TRPC4: variants seen among roughly 807,000 people sequenced by gnomAD.
TRPC4 encodes transient receptor potential cation channel subfamily C member 4.
TRPC4 carries 49 observed loss-of-function variants against 99.4 expected under a neutral mutation model. The ratio of observed to expected loss-of-function variants is 0.49; its 90% CI spans 0.39 to 0.63. The LOEUF is 0.63. Among genes scored for constraint, TRPC4 ranks in the 20% least tolerant of loss-of-function variants. The pLI is 0.00. For missense variants in TRPC4, 898 were observed against 1,152.9 expected (o/e 0.78, Z 3.20); for synonymous variants, 454 against 425.9 (o/e 1.07, Z -0.81).
chr13:37,729,345 A>T (rs1466785530), intron 3 of TRPC4, among the ~76,000 whole-genome samples: 1 of 152,204 alleles, frequency 6.6e-6, no homozygotes, highest in East Asian at 1.9e-4. Flanking sequence ...GTAGGTGAGG[A>T]TGTGGAGAAA....
chr13:37,860,842 A>T (rs1819607), intron 1 of TRPC4, among the ~76,000 whole-genome samples: 5 of 150,986 alleles, frequency 3.3e-5, no homozygotes, highest in Admixed American at 1.3e-4. Flanking sequence ...GTGCTAGCAG[A>T]GTATAATATT....
At chr13:37,820,275 C>A (rs1027844909) in intron 1 of TRPC4, among the ~76,000 whole-genome samples, 4 of 151,990 alleles carry the variant, frequency 2.6e-5, no homozygotes, top group African/African-American at 9.7e-5. Flanking sequence ...AGACCAATAA[C>A]AAGTTTGGAA....
At chr13:37,830,263 T>G (rs1411085481) in intron 1 of TRPC4, among the ~76,000 whole-genome samples, 1 of 151,980 alleles carries the variant, frequency 6.6e-6, no homozygotes, top group East Asian at 1.9e-4. Flanking sequence ...CCATTAAAAA[T>G]ATTAAAGGAA....
chr13:37,659,724 G>A (rs2138667689), intron 6 of TRPC4, among the ~76,000 whole-genome samples: 1 of 152,254 alleles, frequency 6.6e-6, no homozygotes, highest in Non-Finnish European at 1.5e-5. Flanking sequence ...CATCAGTGGA[G>A]AGCAAGGGGA....
chr13:37,800,472 G>C (rs1338450043), intron 1 of TRPC4, among the ~76,000 whole-genome samples: 1 of 152,022 alleles, frequency 6.6e-6, no homozygotes, highest in South Asian at 2.1e-4. Context: ...GTTTACAAGA[G>C]GACTAATTTC....
intron 1 of TRPC4, among the ~76,000 whole-genome samples, chr13:37,810,417 C>T (rs1284511802): frequency 1.3e-5 from 2 of 151,988 alleles, no homozygotes; most frequent in African/African-American, 2.4e-5. Flanking sequence ...ATAAATCTCT[C>T]ACTGTCTTGA....
intron 5 of TRPC4, among the ~76,000 whole-genome samples, chr13:37,672,880 C>T (rs1446147297): frequency 1.3e-5 from 2 of 152,272 alleles, no homozygotes; most frequent in Admixed American, 6.5e-5. Flanking sequence ...AAATTGCTTT[C>T]CCCTAGTATT....
At chr13:37,748,637 G>A (rs1955850890) in intron 2 of TRPC4, among the ~76,000 whole-genome samples, 1 of 149,736 alleles carries the variant, frequency 6.7e-6, no homozygotes, top group Admixed American at 6.7e-5. Flanking sequence ...GGTCAGTAAT[G>A]ATATGGCTTG....
At chr13:37,825,656 G>A (rs1297592402) in intron 1 of TRPC4, among the ~76,000 whole-genome samples, 1 of 142,046 alleles carries the variant, frequency 7.0e-6, no homozygotes, top group Non-Finnish European at 1.5e-5. Context: ...TATAATTTCT[G>A]TTCTTTTACA....
intron 2 of TRPC4, among the ~76,000 whole-genome samples, chr13:37,761,505 G>A (rs1025129007): frequency 3.3e-5 from 5 of 151,860 alleles, no homozygotes; most frequent in Non-Finnish European, 7.4e-5. Flanking sequence ...GACAAAGCCA[G>A]TTAACTTCCC....
At position 37,823,115 on chromosome 13, in the gene TRPC4, GTTGT is replaced by G. The variant is rs1371825686; in HGVS notation, c.-27-39759_-27-39756del. On this transcript the variant is annotated intron_variant, in intron 1 of 10. Coordinates refer to ENST00000379705, the MANE Select transcript of TRPC4 (RefSeq NM_016179.4). ...TATCCTTCACCCACTTTTTGATGGG[GTTGT>G]TTGTTTTTTTCTTGTAAATTTGTTG... 1.1e-4 allele frequency among the ~76,000 whole-genome samples: 17 copies of G among 151,490 alleles called. No individual in the cohort carries two copies. The South Asian group carries it at 2.5e-3, about 22-fold the overall frequency.
At chr13:37,832,126 C>T (rs959866472) in intron 1 of TRPC4, among the ~76,000 whole-genome samples, 6 of 152,118 alleles carry the variant, frequency 3.9e-5, no homozygotes, top group African/African-American at 1.4e-4. Context: ...ATATTTGTAA[C>T]ACAACATTAC....
intron 2 of TRPC4, among the ~76,000 whole-genome samples, chr13:37,779,949 T>C (rs1956795763): frequency 6.6e-6 from 1 of 152,134 alleles, no homozygotes; most frequent in Non-Finnish European, 1.5e-5. Context: ...CATCATTTTC[T>C]GAGGATTCAT....
intron 2 of TRPC4, among the ~76,000 whole-genome samples, chr13:37,778,691 T>C (rs1329456210): frequency 6.6e-6 from 1 of 152,004 alleles, no homozygotes; most frequent in East Asian, 1.9e-4. Context: ...GAATCTTCAC[T>C]GTTTATAATG....
At position 37,633,199 on chromosome 13, in the gene TRPC4, G is replaced by A. The variant is rs1402860052; in HGVS notation, c.*3704C>T. Among the ~76,000 whole-genome samples, 1 of 152,132 alleles carries A rather than the reference G, an allele frequency of 6.6e-6. No individual in the cohort carries two copies. Among genetic ancestry groups the A allele is most frequent in the African/African-American group, 2.4e-5 (1 of 41,436 alleles). On this transcript the variant is annotated 3_prime_UTR_variant, in exon 11 of 11. Transcript: ENST00000379705. The stretch of plus-strand genomic sequence containing the variant: ...ATCAGAATAATGGTTTTGAAGTTAA[G>A]AGGAATGCCAGTAATATTAAATTTC...
rs1413167234 is a variant in TRPC4, at chr13:37,632,610, G to T, written c.*4293C>A. Among the ~76,000 whole-genome samples the T allele has an allele frequency of 6.6e-6, 1 of 152,114 alleles. No homozygotes were observed. Among genetic ancestry groups the T allele is most frequent in the Non-Finnish European group, 1.5e-5 (1 of 68,018 alleles). Reference sequence around the variant, plus strand: ...CCTAGTAACGGTGTGACTGTATCCAGGCTTGGTCCCATTGTCCCAATCTTA... The same window carrying T: ...CCTAGTAACGGTGTGACTGTATCCATGCTTGGTCCCATTGTCCCAATCTTA... On this transcript the variant is annotated 3_prime_UTR_variant, in exon 11 of 11. Coordinates refer to ENST00000379705, the MANE Select transcript of TRPC4 (RefSeq NM_016179.4).
intron 1 of TRPC4, among the ~76,000 whole-genome samples, chr13:37,839,227 G>A (rs1958660241): frequency 6.6e-6 from 1 of 152,112 alleles, no homozygotes; most frequent in Non-Finnish European, 1.5e-5. Context: ...GAGCCATCAT[G>A]TGCCTGCTTT....
chr13:37,677,247 G>A (rs1483664646), intron 4 of TRPC4, among the ~76,000 whole-genome samples: 1 of 151,430 alleles, frequency 6.6e-6, no homozygotes, highest in African/African-American at 2.4e-5. Flanking sequence ...AAATAATTAG[G>A]GTTATACAAA....
intron 4 of TRPC4, among the ~76,000 whole-genome samples, chr13:37,688,147 T>C (rs568286981): frequency 1.3e-4 from 20 of 152,150 alleles, no homozygotes; most frequent in Non-Finnish European, 2.8e-4. Context: ...GTCGATAACC[T>C]TCAAATACAA....
Sources: allele counts gnomAD v4.1 joint callset (sites outside exome capture counted in the v4.1 genomes callset), GRCh38; gene constraint gnomAD v4.1.1; transcripts MANE v1.5; gene names NCBI Gene and HGNC (gene_info 2026-07-23, HGNC 2026-07-21).